Variants in CACNA2D1 observed in about 807,000 individuals in gnomAD.
CACNA2D1 encodes the protein voltage-dependent calcium channel subunit alpha-2/delta-1.
In CACNA2D1, 53 loss-of-function variants were observed where a neutral mutation model predicts 171.5. That is an observed-to-expected ratio of 0.31 (90% CI 0.25 to 0.39). CACNA2D1 has a LOEUF of 0.39. Among genes scored for constraint, CACNA2D1 ranks in the 10% least tolerant of loss-of-function variants. CACNA2D1 has a pLI of 1.00. For synonymous variants in CACNA2D1, 442 were observed against 443.1 expected (o/e 1.00, Z 0.03); for missense variants, 903 against 1,299.8 (o/e 0.69, Z 4.69).
intron 4 of CACNA2D1, among the ~76,000 whole-genome samples, chr7:82,144,588 A>C (rs544929952): frequency 6.6e-6 from 1 of 152,128 alleles, no homozygotes; most frequent in Non-Finnish European, 1.5e-5. Flanking sequence ...GTTAAAAAAA[A>C]CATCAAAGAA....
chr7:82,010,344 T>G (rs1203988260), intron 15 of CACNA2D1, among the ~76,000 whole-genome samples: 2 of 152,024 alleles, frequency 1.3e-5, no homozygotes, highest in Non-Finnish European at 2.9e-5. Flanking sequence ...TAACGCTATA[T>G]GTGTCCAATG....
In CACNA2D1 at chr7:82,387,524, T is replaced by C. The variant is rs915913705; in HGVS notation, c.96-37875A>G. ...TAAATTCACAAATGTTTAATCATGC[T>C]GGGAAGTGCCAAGGGTGATAAATTT... On this transcript the variant is annotated intron_variant, in intron 1 of 38. Coordinates refer to ENST00000356860, the MANE Select transcript of CACNA2D1 (RefSeq NM_000722.4). Among the ~76,000 whole-genome samples the C allele has an allele frequency of 2.0e-5, 3 of 152,206 alleles. No homozygotes were observed. The East Asian group carries it at 5.8e-4, about 29-fold the overall frequency.
rs79808317 is a variant in CACNA2D1, at chr7:82,263,567, A to G, written c.294+71568T>C. The stretch of plus-strand genomic sequence containing the variant: ...GAACTAACTCTGAAATTATAAATGA[A>G]TGACTTTTTAAAAAATGAAATAAAA... On this transcript the variant is annotated intron_variant, in intron 3 of 38. Coordinates refer to ENST00000356860, the MANE Select transcript of CACNA2D1 (RefSeq NM_000722.4). Among the ~76,000 whole-genome samples, 1,248 of 152,294 alleles carry G rather than the reference A, an allele frequency of 8.2e-3. 24 individuals carry two copies. Among genetic ancestry groups the G allele is most frequent in the African/African-American group, 0.028 (1,181 of 41,548 alleles).
intron 3 of CACNA2D1, among the ~76,000 whole-genome samples, chr7:82,247,663 C>T (rs1805097002): frequency 6.6e-6 from 1 of 152,112 alleles, no homozygotes; most frequent in Non-Finnish European, 1.5e-5. Context: ...ATCAGGTTGA[C>T]AAAGTCATTT....
At chr7:82,178,235 A>G (rs2129163912) in intron 3 of CACNA2D1, among the ~76,000 whole-genome samples, 1 of 152,238 alleles carries the variant, frequency 6.6e-6, no homozygotes, top group South Asian at 2.1e-4. Context: ...GAAATACTTC[A>G]AAATTAACCA....
intron 3 of CACNA2D1, among the ~76,000 whole-genome samples, chr7:82,181,580 A>G (rs185295844): frequency 6.6e-6 from 1 of 152,236 alleles, no homozygotes; most frequent in Non-Finnish European, 1.5e-5. Flanking sequence ...AAGTTTGAGA[A>G]GCACTGCTCT....
intron 4 of CACNA2D1, among the ~76,000 whole-genome samples, chr7:82,164,601 G>C (rs1795251754): frequency 6.6e-6 from 1 of 151,992 alleles, no homozygotes. Flanking sequence ...AGTAATAGCT[G>C]CTGGAGAGAT....
intron 10 of CACNA2D1, among the ~76,000 whole-genome samples, chr7:82,049,165 C>T (rs192770580): frequency 2.0e-5 from 3 of 149,186 alleles, no homozygotes; most frequent in South Asian, 4.2e-4. Context: ...ATAACCTTGG[C>T]GGCTTTGCCC....
intron 1 of CACNA2D1, among the ~76,000 whole-genome samples, chr7:82,406,374 G>A (rs1403742270): frequency 6.6e-6 from 1 of 152,156 alleles, no homozygotes; most frequent in Non-Finnish European, 1.5e-5. Flanking sequence ...TGTCTTTATA[G>A]CAGCATGATT....
At chr7:82,191,766 G>A (rs1040476336) in intron 3 of CACNA2D1, among the ~76,000 whole-genome samples, 1 of 151,700 alleles carries the variant, frequency 6.6e-6, no homozygotes, top group African/African-American at 2.4e-5. Flanking sequence ...ACGTTTGAAA[G>A]CAGCAAATCA....
At chr7:82,308,556 T>C (rs990629007) in intron 3 of CACNA2D1, among the ~76,000 whole-genome samples, 3 of 152,152 alleles carry the variant, frequency 2.0e-5, no homozygotes, top group Non-Finnish European at 4.4e-5. Flanking sequence ...ATCTTCCAAA[T>C]ACAACTCTCC....
intron 4 of CACNA2D1, among the ~76,000 whole-genome samples, chr7:82,155,016 T>A (rs1794235731): frequency 6.6e-6 from 1 of 152,056 alleles, no homozygotes; most frequent in Non-Finnish European, 1.5e-5. Flanking sequence ...GAGTGAGTTC[T>A]CAGGAGAACT....
chr7:82,356,189 C>T (rs1046156707), intron 1 of CACNA2D1, among the ~76,000 whole-genome samples: 3 of 152,052 alleles, frequency 2.0e-5, no homozygotes, highest in African/African-American at 7.2e-5. Flanking sequence ...AACTAGGGTT[C>T]GTCTTTCACT....
chr7:82,041,051 TG>T (rs5885265), intron 10 of CACNA2D1, among the ~76,000 whole-genome samples: 121,803 of 144,920 alleles, frequency 0.84, 49,562 homozygotes, highest in Middle Eastern at 0.89. Context: ...AGCCTTGGGT[TG>T]GGGGGGTGGG....
At chr7:82,437,086 C>G (rs1830165784) in intron 1 of CACNA2D1, among the ~76,000 whole-genome samples, 1 of 152,074 alleles carries the variant, frequency 6.6e-6, no homozygotes, top group Admixed American at 6.6e-5. Flanking sequence ...AACAGGAAAT[C>G]TGAAACAGGG....
intron 1 of CACNA2D1, among the ~76,000 whole-genome samples, chr7:82,374,196 T>C (rs1346595078): frequency 2.0e-5 from 3 of 152,212 alleles, no homozygotes; most frequent in South Asian, 2.1e-4. Context: ...AAGTGTTTCA[T>C]GTATGTTAAA....
At chr7:82,076,501 C>A (rs1304070010) in intron 7 of CACNA2D1, among the ~76,000 whole-genome samples, 2 of 152,152 alleles carry the variant, frequency 1.3e-5, no homozygotes, top group Non-Finnish European at 2.9e-5. Flanking sequence ...TGACACTCTA[C>A]ATCAGTCATT....
In CACNA2D1 at chr7:82,066,541, A is replaced by C. The variant is rs201932919; in HGVS notation, c.659-17T>G. The C allele has an allele frequency of 1.3e-6, 2 of 1,563,836 alleles. No homozygotes were observed. Among genetic ancestry groups the C allele is most frequent in the South Asian group, 1.2e-5 (1 of 84,120 alleles). On this transcript the variant is annotated splice_polypyrimidine_tract_variant and intron_variant, in intron 7 of 38. Transcript: ENST00000356860. Reference sequence around the variant, plus strand: ...ATGGTGAAGCTAAAAAAAAAAAAAAAAGAGAGATATTAAATCAAAATATTA... The same window carrying C: ...ATGGTGAAGCTAAAAAAAAAAAAAACAGAGAGATATTAAATCAAAATATTA...
intron 10 of CACNA2D1, among the ~76,000 whole-genome samples, chr7:82,060,167 T>TATATATATAATATATATA (rs1554381642): frequency 4.7e-4 from 6 of 12,634 alleles, no homozygotes; most frequent in Non-Finnish European, 1.0e-3. Context: ...ATATATATAA[T>TATATATATAATATATATA]ATATATATAT....
Sources: allele counts gnomAD v4.1 joint callset (sites outside exome capture counted in the v4.1 genomes callset), GRCh38; gene constraint gnomAD v4.1.1; transcripts MANE v1.5; gene names NCBI Gene and HGNC (gene_info 2026-07-23, HGNC 2026-07-21).